Variants in NPAS3 observed in about 807,000 individuals in gnomAD.
The protein encoded by NPAS3 is neuronal PAS domain-containing protein 3.
NPAS3 carries 14 observed loss-of-function variants against 73.1 expected under a neutral mutation model. The ratio of observed to expected loss-of-function variants is 0.19; its 90% CI spans 0.13 to 0.30. The LOEUF (loss-of-function observed/expected upper bound fraction) is 0.30, where lower values mean the gene tolerates loss of function less well. NPAS3 is among the 10% of genes least tolerant of loss of function. NPAS3 has a pLI of 1.00. For synonymous variants in NPAS3, 620 were observed against 541.5 expected, an observed-to-expected ratio of 1.14 and a Z score of -2.01; for missense variants, 1,096 against 1,250.0, an observed-to-expected ratio of 0.88 and a Z score of 1.86.
chr14:33,422,977 CAG>C (rs1193685226), intron 4 of NPAS3, among the ~76,000 whole-genome samples: 39 of 152,104 alleles, frequency 2.6e-4, no homozygotes, highest in Admixed American at 1.8e-3. Context: ...GTGTGGAAGA[CAG>C]AGTGGGTGGA....
intron 2 of NPAS3, among the ~76,000 whole-genome samples, chr14:33,070,387 C>A (rs17100063): frequency 1.3e-5 from 2 of 151,964 alleles, no homozygotes; most frequent in African/African-American, 4.8e-5. Context: ...GGAACTCATG[C>A]GGACATCTTT....
chr14:33,014,460 A>G (rs2039324840), intron 1 of NPAS3, among the ~76,000 whole-genome samples: 1 of 152,200 alleles, frequency 6.6e-6, no homozygotes, highest in Non-Finnish European at 1.5e-5. Context: ...AAAATATTAT[A>G]CCATTCATTT....
At chr14:32,984,238 T>G (rs192000245) in intron 1 of NPAS3, among the ~76,000 whole-genome samples, 104 of 152,326 alleles carry the variant, frequency 6.8e-4, no homozygotes, top group African/African-American at 2.3e-3. Context: ...CTGCTGTATC[T>G]TAGAATTTTG....
At chr14:32,995,770 C>T (rs1397603874) in intron 1 of NPAS3, among the ~76,000 whole-genome samples, 2 of 152,212 alleles carry the variant, frequency 1.3e-5, no homozygotes, top group African/African-American at 4.8e-5. Flanking sequence ...CCATGTGGAA[C>T]TGTGAGTTCT....
chr14:33,309,645 AC>A (rs1344122000), intron 3 of NPAS3, among the ~76,000 whole-genome samples: 2 of 152,204 alleles, frequency 1.3e-5, no homozygotes, highest in African/African-American at 4.8e-5. Context: ...GGATTTTTCT[AC>A]TGGGTGTACC....
chr14:32,963,616 A>G (rs557565253), intron 1 of NPAS3, among the ~76,000 whole-genome samples: 1 of 152,314 alleles, frequency 6.6e-6, no homozygotes, highest in African/African-American at 2.4e-5. Context: ...CCCCTGGACA[A>G]ATAATCCAAG....
intron 2 of NPAS3, among the ~76,000 whole-genome samples, chr14:33,092,121 G>A (rs1278279407): frequency 6.6e-6 from 1 of 152,088 alleles, no homozygotes; most frequent in Admixed American, 6.6e-5. Flanking sequence ...TTCTGGCCAG[G>A]GCAATCAGGC....
intron 6 of NPAS3, among the ~76,000 whole-genome samples, chr14:33,719,174 C>T (rs1158592495): frequency 6.6e-6 from 1 of 152,110 alleles, no homozygotes; most frequent in Non-Finnish European, 1.5e-5. Flanking sequence ...TTCCCAATTC[C>T]GTGGCATATG....
chr14:33,259,017 G>A (rs1333138948), intron 3 of NPAS3, among the ~76,000 whole-genome samples: 1 of 152,174 alleles, frequency 6.6e-6, no homozygotes, highest in Non-Finnish European at 1.5e-5. Flanking sequence ...GTTTCACCAT[G>A]TTAGCCATGA....
At chr14:33,170,702 C>T (rs1444198229) in intron 2 of NPAS3, among the ~76,000 whole-genome samples, 1 of 152,184 alleles carries the variant, frequency 6.6e-6, no homozygotes, top group Non-Finnish European at 1.5e-5. Flanking sequence ...TTTCTTTGCT[C>T]ATCCATAAGA....
At chr14:33,356,651 G>T (rs1161767432) in intron 3 of NPAS3, among the ~76,000 whole-genome samples, 9 of 152,222 alleles carry the variant, frequency 5.9e-5, no homozygotes, top group African/African-American at 1.7e-4. Context: ...ATCTGTGGGG[G>T]GTGCTTGGCT....
intron 4 of NPAS3, among the ~76,000 whole-genome samples, chr14:33,519,231 C>T (rs1203906483): frequency 6.6e-6 from 1 of 152,132 alleles, no homozygotes; most frequent in Non-Finnish European, 1.5e-5. Flanking sequence ...GCGAGTTTCC[C>T]TTTTGATCCT....
chr14:33,585,067 T>C (rs2056814520), intron 5 of NPAS3, among the ~76,000 whole-genome samples: 1 of 151,040 alleles, frequency 6.6e-6, no homozygotes, highest in African/African-American at 2.4e-5. Flanking sequence ...TTCAATTCTT[T>C]CTTTTTTTTC....
At chr14:33,231,070 G>A (rs1594458231) in intron 3 of NPAS3, among the ~76,000 whole-genome samples, 1 of 152,142 alleles carries the variant, frequency 6.6e-6, no homozygotes, top group African/African-American at 2.4e-5. Flanking sequence ...TATTCCTTCA[G>A]TTTAATAAGG....
At chr14:32,967,174 A>G (rs1047678356) in intron 1 of NPAS3, among the ~76,000 whole-genome samples, 13 of 152,298 alleles carry the variant, frequency 8.5e-5, no homozygotes, top group African/African-American at 2.4e-4. Flanking sequence ...AGCCTACTCA[A>G]TGAAAAGATG....
chr14:33,268,822 C>A (rs1197167673), intron 3 of NPAS3, among the ~76,000 whole-genome samples: 1 of 152,162 alleles, frequency 6.6e-6, no homozygotes, highest in Non-Finnish European at 1.5e-5. Flanking sequence ...TGTTGATATT[C>A]CCTATTGTAA....
rs546833817 is a variant in NPAS3 at position 33,252,687 on chromosome 14, A to G, written c.385+37261A>G. 2.0e-5 allele frequency among the ~76,000 whole-genome samples: 3 copies of G among 151,772 alleles called. No homozygotes were observed. The East Asian group carries it at 5.8e-4, about 29-fold the overall frequency. On this transcript the variant is annotated intron_variant, in intron 3 of 11. Transcript: ENST00000356141. ...CAGGGGGTATATGTGCATGTTTGTTACATGGGTATATTGCATACTGGTGGG... is the reference window on the plus strand; with the variant it reads ...CAGGGGGTATATGTGCATGTTTGTTGCATGGGTATATTGCATACTGGTGGG...
chr14:33,654,564 C>T (rs530479403), intron 5 of NPAS3, among the ~76,000 whole-genome samples: 4 of 152,140 alleles, frequency 2.6e-5, no homozygotes, highest in East Asian at 1.9e-4. Flanking sequence ...TAAGTAAAGA[C>T]GCATTCCAAA....
intron 2 of NPAS3, among the ~76,000 whole-genome samples, chr14:33,104,139 A>G (rs1423635750): frequency 3.9e-5 from 6 of 152,154 alleles, no homozygotes; most frequent in East Asian, 3.9e-4. Context: ...AGACTATTGC[A>G]TCTCCCTGTG....
Sources: allele counts gnomAD v4.1 joint callset (sites outside exome capture counted in the v4.1 genomes callset), GRCh38; gene constraint gnomAD v4.1.1; transcripts MANE v1.5; gene names NCBI Gene and HGNC (gene_info 2026-07-23, HGNC 2026-07-21).